CLCN3: variants seen among roughly 807,000 people sequenced by gnomAD.
CLCN3 encodes the protein H(+)/Cl(-) exchange transporter 3.
CLCN3 carries 16 observed loss-of-function variants against 83.4 expected under a neutral mutation model. The ratio of observed to expected loss-of-function variants is 0.19; its 90% CI spans 0.13 to 0.29. The LOEUF (loss-of-function observed/expected upper bound fraction) is 0.29, where lower values mean the gene tolerates loss of function less well. Among genes scored for constraint, CLCN3 ranks in the 10% least tolerant of loss-of-function variants. The pLI is 1.00. For missense variants in CLCN3, 544 were observed against 1,006.0 expected (o/e 0.54, Z 6.21); for synonymous variants, 322 against 346.2 (o/e 0.93, Z 0.78).
intron 4 of CLCN3, 93 bp from the exon 5 acceptor site, chr4:169,688,950 G>T: frequency 1.0e-6 from 1 of 994,108 alleles, no homozygotes; most frequent in African/African-American, 1.7e-5. Flanking sequence ...TTATTTAGGA[G>T]TCTCCTGCTT....
intron 2 of CLCN3, among the ~76,000 whole-genome samples, chr4:169,674,632 C>T (rs1349375076): frequency 6.6e-6 from 1 of 152,014 alleles, no homozygotes; most frequent in Non-Finnish European, 1.5e-5. Flanking sequence ...AGGGATTGGG[C>T]CTTTAAACCT....
chr4:169,713,621 A>G (rs1046706963), intron 12 of CLCN3, among the ~76,000 whole-genome samples: 1 of 152,238 alleles, frequency 6.6e-6, no homozygotes, highest in Non-Finnish European at 1.5e-5. Flanking sequence ...CCTAACCTGC[A>G]TGGAGCACTG....
At chr4:169,672,046 C>T (rs562630305) in intron 2 of CLCN3, among the ~76,000 whole-genome samples, 1 of 151,790 alleles carries the variant, frequency 6.6e-6, no homozygotes, top group Admixed American at 6.6e-5. Context: ...CCCGTCTCTA[C>T]TAAAAATAAA....
Position 169,722,278 on chromosome 4 carries a change from G to A in CLCN3, c.*2281G>A, listed in dbSNP as rs1581304431. On this transcript the variant is annotated 3_prime_UTR_variant, in exon 13 of 13. Coordinates refer to ENST00000513761, the MANE Select transcript of CLCN3 (RefSeq NM_001829.4). ...CATATAAGAATGAGGATTGAAAGTT[G>A]AGCAAAATTTTCGGGATTTTGGGAA... 6.6e-6 allele frequency: 1 copy of A among 152,224 alleles called. No individual in the cohort carries two copies. Among genetic ancestry groups the A allele is most frequent in the South Asian group, 2.1e-4 (1 of 4,828 alleles). 9.4% of individuals were successfully genotyped at this position (152,224 alleles called of 1,614,324 possible).
At chr4:169,665,469 A>G (rs1016953739) in intron 2 of CLCN3, among the ~76,000 whole-genome samples, 5 of 152,158 alleles carry the variant, frequency 3.3e-5, no homozygotes, top group African/African-American at 1.2e-4. Context: ...GTGAGGCACT[A>G]TTCTTGCCAT....
intron 4 of CLCN3, 40 bp downstream of exon 4, chr4:169,687,797 G>A (rs746652012): frequency 1.7e-6 from 2 of 1,189,868 alleles, no homozygotes; most frequent in Non-Finnish European, 2.4e-6. Context: ...TTAGTTAACA[G>A]AAGTATAAAC....
rs1732902133 is a variant in CLCN3, at chr4:169,704,185, G to A, written c.1750+1G>A. On this transcript the variant is annotated splice_donor_variant, in intron 10 of 12. Transcript: ENST00000513761. LOFTEE classifies it high-confidence loss of function. ...ATGGTTGGTGCTGCTGCATGCTTAGGTAATATGGCTGTGTCTGCCTGTGTG... is the reference window on the plus strand; with the variant it reads ...ATGGTTGGTGCTGCTGCATGCTTAGATAATATGGCTGTGTCTGCCTGTGTG... 6.2e-7 allele frequency: 1 copy of A among 1,609,260 alleles called. No homozygotes were observed. Among genetic ancestry groups the A allele is most frequent in the African/African-American group, 1.3e-5 (1 of 74,924 alleles).
intron 5 of CLCN3, among the ~76,000 whole-genome samples, chr4:169,690,147 T>TG (rs1732310063): frequency 6.9e-6 from 1 of 145,876 alleles, no homozygotes; most frequent in African/African-American, 2.5e-5. Flanking sequence ...CTTTTTTTTT[T>TG]TTTTTTTTTG....
chr4:169,665,334 A>G (rs765561468), intron 2 of CLCN3, among the ~76,000 whole-genome samples: 10 of 152,212 alleles, frequency 6.6e-5, no homozygotes, highest in Non-Finnish European at 1.5e-4. Flanking sequence ...ATTTGGCATT[A>G]ACTTGCAAGT....
intron 7 of CLCN3, among the ~76,000 whole-genome samples, chr4:169,694,554 C>G (rs1396241617): frequency 6.6e-6 from 1 of 152,174 alleles, no homozygotes; most frequent in African/African-American, 2.4e-5. Flanking sequence ...AATACAGACA[C>G]TTGGCTGGGC....
Position 169,680,204 on chromosome 4 carries a change from A to G in CLCN3, c.315A>G (p.Arg105=). The G allele has an allele frequency of 1.2e-6, 2 of 1,610,554 alleles. No homozygotes were observed. Among genetic ancestry groups the G allele is most frequent in the Non-Finnish European group, 1.7e-6 (2 of 1,178,506 alleles). ...AATGTAAAGACAGAGAAAGGCATAG[A>G]CGGGTAAGTGTTTTTAGTAAAAATT... is the stretch of plus-strand genomic sequence containing the variant. ...REKCKDRERH[R]RINSKKKESA... is the part of the protein sequence containing the mutation. Residue 105 remains arginine, a synonymous_variant, in exon 3 of 13, where the codon AGA becomes AGG. Transcript: ENST00000513761.
chr4:169,678,340 T>G (rs574797120), intron 2 of CLCN3, among the ~76,000 whole-genome samples: 1 of 152,336 alleles, frequency 6.6e-6, no homozygotes, highest in Admixed American at 6.5e-5. Flanking sequence ...CTTTTGGCCT[T>G]ACTTCCAAGT....
intron 7 of CLCN3, among the ~76,000 whole-genome samples, chr4:169,694,023 A>G (rs571153670): frequency 1.3e-5 from 2 of 152,286 alleles, no homozygotes; most frequent in South Asian, 4.1e-4. Context: ...TGAGTTATAG[A>G]TACCTAGGTG....
chr4:169,636,735 G>GTTGTTTTTTTTTTTTTTTTTTTT, intron 2 of CLCN3, among the ~76,000 whole-genome samples: 1 of 119,518 alleles, frequency 8.4e-6, no homozygotes, highest in Non-Finnish European at 1.8e-5. Flanking sequence ...TCATTATTTG[G>GTTGTTTTTTTTTTTTTTTTTTTT]TTTTTTTTTT....
chr4:169,626,224 C>T (rs1030929983), intron 1 of CLCN3, among the ~76,000 whole-genome samples: 3 of 152,216 alleles, frequency 2.0e-5, no homozygotes, highest in African/African-American at 7.2e-5. Context: ...TCAAAGGATA[C>T]AGATGAACAG....
chr4:169,687,625 G>A, intron 3 of CLCN3, 33 bp from the exon 4 acceptor site: 1 of 1,428,696 alleles, frequency 7.0e-7, no homozygotes. Flanking sequence ...ATTCATAGTT[G>A]GAAAAATGAA....
At chr4:169,634,511 C>T (rs928910278) in intron 1 of CLCN3, among the ~76,000 whole-genome samples, 1 of 152,208 alleles carries the variant, frequency 6.6e-6, no homozygotes, top group Non-Finnish European at 1.5e-5. Context: ...TGAACAACTA[C>T]TTTCATACTT....
chr4:169,662,566 C>T (rs968290559), intron 2 of CLCN3, among the ~76,000 whole-genome samples: 1 of 152,100 alleles, frequency 6.6e-6, no homozygotes, highest in Non-Finnish European at 1.5e-5. Context: ...AATTGATCTT[C>T]AGCCTGATAG....
At chr4:169,642,563 CTG>C (rs894734905) in intron 2 of CLCN3, 2 of 151,816 alleles carry the variant, frequency 1.3e-5, no homozygotes, top group African/African-American at 4.9e-5. Context: ...GGGTCTGACT[CTG>C]TCACACCCAG....
Sources: allele counts gnomAD v4.1 joint callset (sites outside exome capture counted in the v4.1 genomes callset), GRCh38; gene constraint gnomAD v4.1.1; transcripts MANE v1.5; gene names NCBI Gene and HGNC (gene_info 2026-07-23, HGNC 2026-07-21).